SLC38A6: variants seen among roughly 807,000 people sequenced by gnomAD.
The protein encoded by SLC38A6 is solute carrier family 38 member 6.
A neutral mutation model predicts 65.0 loss-of-function variants in SLC38A6; 73 were observed. The ratio of observed to expected loss-of-function variants is 1.12; its 90% CI spans 0.93 to 1.37. The LOEUF is 1.37. Among genes scored for constraint, SLC38A6 ranks in the 40% most tolerant of loss-of-function variants. The probability of loss-of-function intolerance (pLI) is 0.00; values close to 1 mark genes in which losing one functional copy is unlikely to be tolerated. For synonymous variants in SLC38A6, 183 were observed against 178.8 expected (o/e 1.02, Z -0.19); for missense variants, 561 against 531.1 (o/e 1.06, Z -0.55).
intron 5 of SLC38A6, among the ~76,000 whole-genome samples, chr14:61,029,397 C>G (rs892411334): frequency 2.6e-5 from 4 of 151,972 alleles, no homozygotes; most frequent in Admixed American, 6.6e-5. Flanking sequence ...CCTCGTCAAC[C>G]GCCCGCCTTG....
chr14:61,062,013 A>G (rs2042861717), intron 15 of SLC38A6, among the ~76,000 whole-genome samples: 1 of 151,620 alleles, frequency 6.6e-6, no homozygotes, highest in Non-Finnish European at 1.5e-5. Context: ...AATTTTTTCT[A>G]TTTTTAGTAG....
chr14:61,027,618 G>T (rs1040477777), intron 5 of SLC38A6, among the ~76,000 whole-genome samples: 1 of 151,850 alleles, frequency 6.6e-6, no homozygotes, highest in African/African-American at 2.4e-5. Flanking sequence ...AACTTTTCCA[G>T]TTCATTTTAT....
chr14:60,981,361 G>C lies in SLC38A6; in HGVS notation c.84G>C (p.Glu28Asp), dbSNP rs985017193. ...AGCCTGAAGAAGCGGAGGCCGAAGA[G>C]TTGAGTCCGTTGCTAAGCAACGTAA... The part of the protein sequence containing the change: ...VQQPEEAEAE[E>D]LSPLLSNELH... The change falls in exon 1 of 16, where the codon GAG becomes GAC. Residue 28 changes from glutamate (E) to aspartate (D), a missense_variant. Physicochemically the swap from Glu to Asp is conservative, Grantham distance 45. Coordinates refer to ENST00000267488, the MANE Select transcript of SLC38A6 (RefSeq NM_153811.3). 10 of 1,605,540 alleles carry C rather than the reference G, an allele frequency of 6.2e-6. No individual in the cohort carries two copies. Among genetic ancestry groups the C allele is most frequent in the Middle Eastern group, 1.6e-4 (1 of 6,078 alleles).
intron 2 of SLC38A6, 67 bp from the exon 3 acceptor site, chr14:60,984,663 G>A (rs2037319742): frequency 3.0e-6 from 4 of 1,334,742 alleles, no homozygotes; most frequent in South Asian, 1.2e-5. Context: ...ATTTGTTTTT[G>A]TAATGAGACA....
At chr14:61,061,924 A>G (rs2042857378) in intron 15 of SLC38A6, among the ~76,000 whole-genome samples, 1 of 148,990 alleles carries the variant, frequency 6.7e-6, no homozygotes, top group African/African-American at 2.5e-5. Context: ...TGTAGCCTCC[A>G]TCTCCCAGGT....
intron 8 of SLC38A6, among the ~76,000 whole-genome samples, chr14:61,038,623 T>A (rs2041566745): frequency 6.6e-6 from 1 of 152,194 alleles, no homozygotes; most frequent in Non-Finnish European, 1.5e-5. Flanking sequence ...TTCAAAGCTG[T>A]CAAAACAACC....
intron 15 of SLC38A6, among the ~76,000 whole-genome samples, chr14:61,075,528 A>G (rs1239376332): frequency 6.6e-6 from 1 of 152,082 alleles, no homozygotes; most frequent in Admixed American, 6.5e-5. Flanking sequence ...TTTCCTTGAC[A>G]TCTCATTGGC....
chr14:61,023,600 T>TACACAC (rs36081997), intron 5 of SLC38A6, among the ~76,000 whole-genome samples: 41 of 146,850 alleles, frequency 2.8e-4, no homozygotes, highest in African/African-American at 9.8e-4. Flanking sequence ...TATATATATA[T>TACACAC]ACACACACAC....
chr14:60,982,791 T>G (rs955722137), intron 2 of SLC38A6, among the ~76,000 whole-genome samples, 153 bp downstream of exon 2: 7 of 152,334 alleles, frequency 4.6e-5, no homozygotes, highest in African/African-American at 1.7e-4. Context: ...GTTGCTAGTG[T>G]GTACCTTGGA....
At chr14:61,006,119 A>G (rs1315844278) in intron 3 of SLC38A6, among the ~76,000 whole-genome samples, 3 of 152,216 alleles carry the variant, frequency 2.0e-5, no homozygotes, top group South Asian at 2.1e-4. Context: ...AAAACTGGCT[A>G]GCCATATGTA....
rs1443561027 is a variant in SLC38A6 at position 61,030,515 on chromosome 14, C to CTATA, written c.475_478dup (p.Ser160IlefsTer2). 4 of 1,603,700 alleles carry CTATA rather than the reference C, an allele frequency of 2.5e-6. No individual in the cohort carries two copies. The African/African-American group carries it at 4.0e-5, about 16-fold the overall frequency. Reference sequence around the variant, plus strand: ...CTATTGCAGAATTTTTGACTGGAGACTATAGTAGGTAAGAAAAAGTATTTT... The same window carrying CTATA: ...CTATTGCAGAATTTTTGACTGGAGACTATATATAGTAGGTAAGAAAAAGTATTTT... On this transcript the variant is annotated frameshift_variant, in exon 6 of 16. Transcript: ENST00000267488. LOFTEE classifies it high-confidence loss of function.
chr14:61,075,755 A>T (rs1413173834), intron 15 of SLC38A6, among the ~76,000 whole-genome samples: 1 of 149,468 alleles, frequency 6.7e-6, no homozygotes, highest in Non-Finnish European at 1.5e-5. Flanking sequence ...AGGCTCCAAG[A>T]ACGTGCCATA....
intron 5 of SLC38A6, among the ~76,000 whole-genome samples, chr14:61,027,186 T>C (rs1486221058): frequency 2.0e-5 from 3 of 152,186 alleles, no homozygotes; most frequent in African/African-American, 4.8e-5. Flanking sequence ...TTAAATGAGT[T>C]ATATTAGTTT....
At chr14:61,027,928 C>T (rs558781094) in intron 5 of SLC38A6, among the ~76,000 whole-genome samples, 253 of 151,622 alleles carry the variant, frequency 1.7e-3, no homozygotes, top group African/African-American at 5.7e-3. Flanking sequence ...CAATGTTTTG[C>T]ATGTTTTATT....
chr14:60,981,387 G>A lies in SLC38A6; in HGVS notation c.105+5G>A, dbSNP rs1434822877. 1.9e-6 allele frequency: 3 copies of A among 1,588,666 alleles called. No individual in the cohort carries two copies. Among genetic ancestry groups the A allele is most frequent in the Non-Finnish European group, 2.6e-6 (3 of 1,167,382 alleles). Reference sequence around the variant, plus strand: ...TTGAGTCCGTTGCTAAGCAACGTAAGTGGGCTGTGTTCGCTTCCCCGCGCT... The same window carrying A: ...TTGAGTCCGTTGCTAAGCAACGTAAATGGGCTGTGTTCGCTTCCCCGCGCT... On this transcript the variant is annotated splice_donor_5th_base_variant and intron_variant, in intron 1 of 15. Coordinates refer to ENST00000267488, the MANE Select transcript of SLC38A6 (RefSeq NM_153811.3).
intron 16 of SLC38A6, among the ~76,000 whole-genome samples, chr14:61,082,260 A>T (rs1371709783): frequency 6.6e-6 from 1 of 152,084 alleles, no homozygotes; most frequent in African/African-American, 2.4e-5. Flanking sequence ...AAATCGTAAA[A>T]CTGGTCTGCC....
At chr14:61,009,307 C>A (rs2039374433) in intron 3 of SLC38A6, among the ~76,000 whole-genome samples, 1 of 151,990 alleles carries the variant, frequency 6.6e-6, no homozygotes, top group Non-Finnish European at 1.5e-5. Context: ...AAATTAGTGA[C>A]CAAAATTACA....
At chr14:61,007,706 T>TTTCTTTAATCTCATGCCTCA (rs11274436) in intron 3 of SLC38A6, among the ~76,000 whole-genome samples, 141,683 of 152,104 alleles carry the variant, frequency 0.93, 66,376 homozygotes, top group Non-Finnish European at 0.99. Context: ...AACACCGATA[T>TTTCTTTAATCTCATGCCTCA]AAGTGACATA....
intron 3 of SLC38A6, chr14:60,987,294 G>T: frequency 6.6e-6 from 1 of 152,462 alleles, no homozygotes; most frequent in Non-Finnish European, 1.5e-5. Flanking sequence ...TGAATTCATT[G>T]GTAAGAGAAA....
Sources: gnomAD v4.1 joint callset for allele counts (sites outside exome capture counted in the v4.1 genomes callset) on GRCh38, gnomAD v4.1.1 for gene constraint, MANE v1.5 for transcripts, NCBI Gene and HGNC (gene_info 2026-07-23, HGNC 2026-07-21) for gene names.